Variants in GRIP1 observed in about 807,000 individuals in gnomAD.
GRIP1 encodes glutamate receptor-interacting protein 1.
A neutral mutation model predicts 129.9 loss-of-function variants in GRIP1; 45 were observed. The observed-to-expected ratio is 0.35, with a 90% CI of 0.27 to 0.44. The LOEUF is 0.44. Ranked by LOEUF, GRIP1 falls within the 20% of genes least tolerant of loss-of-function variation. The probability of loss-of-function intolerance (pLI) is 1.00; values close to 1 mark genes in which losing one functional copy is unlikely to be tolerated. For synonymous variants in GRIP1, 530 were observed against 520.8 expected, an observed-to-expected ratio of 1.02 and a Z score of -0.24; for missense variants, 1,196 against 1,396.8, an observed-to-expected ratio of 0.86 and a Z score of 2.29.
intron 1 of GRIP1, among the ~76,000 whole-genome samples, chr12:66,979,906 C>T (rs1383379187): frequency 6.6e-6 from 1 of 152,138 alleles, no homozygotes; most frequent in Non-Finnish European, 1.5e-5. Flanking sequence ...CAGAGGGAAC[C>T]TGGCCCTGCT....
intron 7 of GRIP1, among the ~76,000 whole-genome samples, chr12:66,485,496 T>G (rs780959371): frequency 5.9e-5 from 9 of 151,886 alleles, no homozygotes; most frequent in Non-Finnish European, 1.2e-4. Flanking sequence ...CATTGTTGGA[T>G]ATGTGATTTG....
chr12:66,437,067 A>G (rs1030203896), intron 13 of GRIP1, among the ~76,000 whole-genome samples: 5 of 151,952 alleles, frequency 3.3e-5, no homozygotes, highest in Non-Finnish European at 5.9e-5. Flanking sequence ...AGCTTAAAAT[A>G]TTTATAAAAT....
intron 1 of GRIP1, among the ~76,000 whole-genome samples, chr12:66,811,142 G>A (rs530237253): frequency 1.3e-5 from 2 of 152,272 alleles, no homozygotes; most frequent in Admixed American, 6.5e-5. Context: ...AATATATTAG[G>A]CTTCAAAGGG....
At chr12:66,505,540 T>C (rs1220259898) in intron 7 of GRIP1, among the ~76,000 whole-genome samples, 4 of 152,142 alleles carry the variant, frequency 2.6e-5, no homozygotes, top group Non-Finnish European at 5.9e-5. Context: ...AAACTGTAAA[T>C]CACTACCCTT....
At chr12:67,063,241 T>C (rs2043565627) in intron 1 of GRIP1, among the ~76,000 whole-genome samples, 1 of 152,252 alleles carries the variant, frequency 6.6e-6, no homozygotes, top group South Asian at 2.1e-4. Flanking sequence ...TTAAGGAATC[T>C]ATCTAGTACA....
chr12:66,643,144 C>T (rs2032077518), intron 1 of GRIP1, among the ~76,000 whole-genome samples: 1 of 152,214 alleles, frequency 6.6e-6, no homozygotes, highest in Non-Finnish European at 1.5e-5. Flanking sequence ...GGACCCTTCT[C>T]TACTTTGGTA....
At chr12:66,810,677 T>A (rs934704989) in intron 1 of GRIP1, among the ~76,000 whole-genome samples, 1 of 152,208 alleles carries the variant, frequency 6.6e-6, no homozygotes, top group Non-Finnish European at 1.5e-5. Flanking sequence ...TCAGCCACCA[T>A]CCACGAAATG....
intron 23 of GRIP1, among the ~76,000 whole-genome samples, chr12:66,357,262 T>G (rs1480899970): frequency 6.9e-6 from 1 of 145,224 alleles, no homozygotes; most frequent in Non-Finnish European, 1.5e-5. Flanking sequence ...CTGTTAAATC[T>G]CCTCTTACCT....
intron 16 of GRIP1, among the ~76,000 whole-genome samples, chr12:66,401,621 C>T (rs375345940): frequency 0.42 from 38,354 of 91,220 alleles, 7,175 homozygotes; most frequent in Middle Eastern, 0.57. Flanking sequence ...CACACACACA[C>T]ACACACACAC....
At chr12:66,994,523 C>T (rs1410652709) in intron 1 of GRIP1, among the ~76,000 whole-genome samples, 1 of 150,824 alleles carries the variant, frequency 6.6e-6, no homozygotes, top group Non-Finnish European at 1.5e-5. Flanking sequence ...AAACTCATAG[C>T]TAACATCATA....
intron 1 of GRIP1, among the ~76,000 whole-genome samples, chr12:67,044,800 C>T (rs1399899006): frequency 6.6e-6 from 1 of 152,092 alleles, no homozygotes; most frequent in Non-Finnish European, 1.5e-5. Flanking sequence ...GCTCTGGGTA[C>T]ATGTTTTTCA....
chr12:66,391,174 T>G (rs996399400), intron 19 of GRIP1, among the ~76,000 whole-genome samples: 8 of 152,200 alleles, frequency 5.3e-5, no homozygotes, highest in Admixed American at 2.6e-4. Flanking sequence ...TACAGTTAAC[T>G]CAGTGACAAA....
At chr12:66,505,934 A>G (rs1227201626) in intron 7 of GRIP1, among the ~76,000 whole-genome samples, 1 of 152,242 alleles carries the variant, frequency 6.6e-6, no homozygotes, top group Non-Finnish European at 1.5e-5. Context: ...TATATGGCCA[A>G]TATTAAAAGG....
At chr12:66,620,503 G>A (rs997259810) in intron 1 of GRIP1, among the ~76,000 whole-genome samples, 6 of 151,976 alleles carry the variant, frequency 3.9e-5, no homozygotes. Context: ...CTCACCTTCT[G>A]GACATTCTAC....
At position 66,383,806 on chromosome 12, in the gene GRIP1, ACTT is replaced by A. The variant is rs1206977892; in HGVS notation, c.2465-4373_2465-4371del. On this transcript the variant is annotated intron_variant, in intron 19 of 24. Coordinates refer to ENST00000359742, the MANE Select transcript of GRIP1 (RefSeq NM_001366722.1). Reference sequence around the variant, plus strand: ...AAATTATTGCTCAGACTAAAACTATACTTCTTAGCTTCTCTCAAAGCTAAGTGC... The same window carrying A: ...AAATTATTGCTCAGACTAAAACTATACTTAGCTTCTCTCAAAGCTAAGTGC... Among the ~76,000 whole-genome samples, 4 of 152,314 alleles carry A rather than the reference ACTT, an allele frequency of 2.6e-5. No homozygotes were observed. In the East Asian group the frequency reaches 7.7e-4, roughly 29 times the overall value.
At chr12:66,460,902 T>C (rs933571908) in intron 9 of GRIP1, among the ~76,000 whole-genome samples, 1 of 152,262 alleles carries the variant, frequency 6.6e-6, no homozygotes, top group Non-Finnish European at 1.5e-5. Flanking sequence ...AGCCAAAATT[T>C]ATTTCCTCTT....
At position 66,352,561 on chromosome 12, in the gene GRIP1, G is replaced by A. The variant is rs1004736638; in HGVS notation, c.3159+856C>T. 4.0e-5 allele frequency among the ~76,000 whole-genome samples: 6 copies of A among 151,788 alleles called. No homozygotes were observed. In the South Asian group the frequency reaches 6.2e-4, roughly 16 times the overall value. On this transcript the variant is annotated intron_variant, in intron 24 of 24. Transcript: ENST00000359742. ...CAGCCTGGCCAACCTGGTGAAACACGGTCTCTACTAAAAATACAAAAATTA... is the reference window on the plus strand; with the variant it reads ...CAGCCTGGCCAACCTGGTGAAACACAGTCTCTACTAAAAATACAAAAATTA...
At chr12:66,415,180 C>T (rs888701276) in intron 15 of GRIP1, among the ~76,000 whole-genome samples, 4 of 152,010 alleles carry the variant, frequency 2.6e-5, no homozygotes, top group Non-Finnish European at 5.9e-5. Flanking sequence ...AAGAAACTAT[C>T]ATCAGAGTGA....
At chr12:66,610,265 CATAG>C (rs2064737206) in intron 1 of GRIP1, among the ~76,000 whole-genome samples, 1 of 151,896 alleles carries the variant, frequency 6.6e-6, no homozygotes, top group African/African-American at 2.4e-5. Context: ...TATACAGATA[CATAG>C]ATACACACAT....
Sources: gnomAD v4.1 joint callset for allele counts (sites outside exome capture counted in the v4.1 genomes callset) on GRCh38, gnomAD v4.1.1 for gene constraint, MANE v1.5 for transcripts, NCBI Gene and HGNC (gene_info 2026-07-23, HGNC 2026-07-21) for gene names.